MYO3A: variants seen among roughly 807,000 people sequenced by gnomAD.
MYO3A encodes the protein myosin IIIA, also known as myosin-IIIa.
In MYO3A, 180 loss-of-function variants were observed where a neutral mutation model predicts 192.7. The observed-to-expected ratio is 0.93, with a 90% CI of 0.83 to 1.06. The LOEUF is 1.06. Among genes scored for constraint, MYO3A ranks in the 50% least tolerant of loss-of-function variants. The pLI, the probability that MYO3A is intolerant of heterozygous loss-of-function variation, is 0.00. For missense variants in MYO3A, 1,896 were observed against 1,905.0 expected, an observed-to-expected ratio of 1.00 and a Z score of 0.09; for synonymous variants, 628 against 645.3, an observed-to-expected ratio of 0.97 and a Z score of 0.41.
At chr10:26,027,680 T>G (rs1247661695) in intron 10 of MYO3A, among the ~76,000 whole-genome samples, 1 of 152,202 alleles carries the variant, frequency 6.6e-6, no homozygotes, top group Admixed American at 6.5e-5. Flanking sequence ...AAAATTGGAA[T>G]AGTATTATAT....
At chr10:25,961,083 T>C (rs182120488) in intron 4 of MYO3A, among the ~76,000 whole-genome samples, 3 of 152,316 alleles carry the variant, frequency 2.0e-5, no homozygotes. Flanking sequence ...ACATAATCCT[T>C]GATGTAATCT....
chr10:26,193,920 G>A (rs745998922), intron 32 of MYO3A, among the ~76,000 whole-genome samples: 9 of 152,110 alleles, frequency 5.9e-5, no homozygotes, highest in Non-Finnish European at 1.0e-4. Flanking sequence ...ACTCATTGGC[G>A]TTGCCCCTGA....
At chr10:25,950,825 G>A (rs544347762) in intron 2 of MYO3A, among the ~76,000 whole-genome samples, 5 of 152,208 alleles carry the variant, frequency 3.3e-5, no homozygotes, top group African/African-American at 1.2e-4. Flanking sequence ...CCAGACAAGT[G>A]AATTTCATGG....
chr10:26,203,187 A>G lies in MYO3A; in HGVS notation c.4730+80A>G, dbSNP rs1042963951. On this transcript the variant is annotated intron_variant, in intron 34 of 34. Coordinates refer to ENST00000642920, the MANE Select transcript of MYO3A (RefSeq NM_017433.5). ...TTTCTTAAGATATTTCACTTTATAT[A>G]TAGATGAATGACAAAGCACTCTTAC... is the stretch of plus-strand genomic sequence containing the variant. The G allele has an allele frequency of 4.8e-6, 7 of 1,444,992 alleles. No homozygotes were observed. In the African/African-American group the frequency reaches 9.9e-5, roughly 20 times the overall value. 89.5% of individuals were successfully genotyped at this position (1,444,992 alleles called of 1,614,324 possible). A position where few individuals can be genotyped will look rare whatever the true frequency, so the allele number is the denominator to read the frequency against.
At chr10:26,161,393 C>T (rs1211895287) in intron 26 of MYO3A, among the ~76,000 whole-genome samples, 1 of 152,172 alleles carries the variant, frequency 6.6e-6, no homozygotes, top group Non-Finnish European at 1.5e-5. Flanking sequence ...TCAAAGGAAC[C>T]CTTACGCTAA....
Position 26,001,221 on chromosome 10 carries a change from C to T in MYO3A, c.508+3963C>T, listed in dbSNP as rs568541039. Among the ~76,000 whole-genome samples, 113 of 152,278 alleles carry T rather than the reference C, an allele frequency of 7.4e-4. 2 individuals are homozygous for T. The highest frequency in any genetic ancestry group is 6.8e-3 in the Middle Eastern group (2 of 294). On this transcript the variant is annotated intron_variant, in intron 6 of 34. Transcript: ENST00000642920. ...TCAGAATCTGCGGCATTCCTGTCTGCGGTGAGCCACATCATTGCTAACCTG... is the reference window on the plus strand; with the variant it reads ...TCAGAATCTGCGGCATTCCTGTCTGTGGTGAGCCACATCATTGCTAACCTG...
In MYO3A at chr10:26,125,517, A is replaced by G. The variant is rs776878976; in HGVS notation, c.2023A>G (p.Arg675Gly). Residue 675 changes from arginine (R) to glycine (G), a missense_variant, in exon 19 of 35, where the codon AGG (arginine) becomes GGG (glycine). Transcript: ENST00000642920. Reference protein sequence around the residue: ...PNTVEKATDVRDAMAKTLYGR... With the variant: ...PNTVEKATDVGDAMAKTLYGR... ...TACTGTAGAAAAAGCTACCGATGTCAGGGATGCCATGGCTAAAACTTTATA... is the reference window on the plus strand; with the variant it reads ...TACTGTAGAAAAAGCTACCGATGTCGGGGATGCCATGGCTAAAACTTTATA... 3 of 1,613,984 alleles carry G rather than the reference A, an allele frequency of 1.9e-6. No individual in the cohort carries two copies. The highest frequency in any genetic ancestry group is 1.3e-5 in the African/African-American group (1 of 74,942).
chr10:26,198,541 C>T (rs1483766036), intron 32 of MYO3A, among the ~76,000 whole-genome samples: 1 of 152,228 alleles, frequency 6.6e-6, no homozygotes, highest in African/African-American at 2.4e-5. Flanking sequence ...TTCTTCCTAA[C>T]TTCAACGTTT....
intron 10 of MYO3A, among the ~76,000 whole-genome samples, chr10:26,041,801 AC>A (rs1187918555): frequency 6.6e-6 from 1 of 152,088 alleles, no homozygotes. Flanking sequence ...ATGTCTTGAA[AC>A]ATGATTGTAG....
intron 10 of MYO3A, among the ~76,000 whole-genome samples, chr10:26,054,605 G>C (rs1844204528): frequency 6.6e-6 from 1 of 152,174 alleles, no homozygotes; most frequent in African/African-American, 2.4e-5. Context: ...TTAAGTCAAG[G>C]ATCTGGAGAA....
At chr10:25,977,975 T>C (rs1379174638) in intron 4 of MYO3A, among the ~76,000 whole-genome samples, 1 of 152,164 alleles carries the variant, frequency 6.6e-6, no homozygotes, top group Non-Finnish European at 1.5e-5. Flanking sequence ...AGTTTTTTTG[T>C]TATTTACTCC....
intron 15 of MYO3A, among the ~76,000 whole-genome samples, chr10:26,093,670 G>A (rs1001582826): frequency 3.3e-5 from 5 of 151,974 alleles, no homozygotes; most frequent in African/African-American, 7.2e-5. Context: ...AGCTTTTCTC[G>A]TTTTTTCTCT....
chr10:26,017,826 A>G (rs1489918673), intron 7 of MYO3A, among the ~76,000 whole-genome samples: 1 of 151,528 alleles, frequency 6.6e-6, no homozygotes, highest in Non-Finnish European at 1.5e-5. Flanking sequence ...TAGAAGCAAA[A>G]ACAAAAATTG....
intron 4 of MYO3A, among the ~76,000 whole-genome samples, chr10:25,983,286 C>T (rs1839444946): frequency 6.6e-6 from 1 of 151,568 alleles, no homozygotes; most frequent in Admixed American, 6.6e-5. Context: ...GACAAATTCC[C>T]ACTCTGTCAC....
intron 4 of MYO3A, among the ~76,000 whole-genome samples, chr10:25,978,616 C>G (rs1335745506): frequency 6.6e-6 from 1 of 151,982 alleles, no homozygotes; most frequent in Non-Finnish European, 1.5e-5. Flanking sequence ...CATATACCAC[C>G]TAAAATTGTA....
chr10:26,149,422 A>G (rs1234126084), intron 23 of MYO3A, among the ~76,000 whole-genome samples: 4 of 151,986 alleles, frequency 2.6e-5, no homozygotes, highest in South Asian at 4.2e-4. Flanking sequence ...TTTACTAGAG[A>G]CAGGGTTTCA....
intron 6 of MYO3A, among the ~76,000 whole-genome samples, chr10:26,008,767 C>T (rs1451765962): frequency 6.6e-5 from 10 of 151,720 alleles, no homozygotes; most frequent in African/African-American, 1.2e-4. Flanking sequence ...GGAACACTTT[C>T]ACACTGTTGG....
chr10:26,123,540 C>G (rs1348186439), intron 18 of MYO3A, among the ~76,000 whole-genome samples: 2 of 152,148 alleles, frequency 1.3e-5, no homozygotes, highest in Non-Finnish European at 2.9e-5. Flanking sequence ...TCCGTGATGT[C>G]CATGAAATTG....
chr10:26,061,173 C>T (rs1427254899), intron 10 of MYO3A, among the ~76,000 whole-genome samples: 1 of 152,146 alleles, frequency 6.6e-6, no homozygotes, highest in Non-Finnish European at 1.5e-5. Flanking sequence ...TCATGATCTA[C>T]CCGCCTCAAC....
Sources: gnomAD v4.1 joint callset for allele counts (sites outside exome capture counted in the v4.1 genomes callset) on GRCh38, gnomAD v4.1.1 for gene constraint, MANE v1.5 for transcripts, NCBI Gene and HGNC (gene_info 2026-07-23, HGNC 2026-07-21) for gene names.